PRDM2: variants seen among roughly 807,000 people sequenced by gnomAD.
PRDM2 encodes the protein PR/SET domain 2.
A neutral mutation model predicts 130.0 loss-of-function variants in PRDM2; 30 were observed. That is an observed-to-expected ratio of 0.23 (90% CI 0.17 to 0.31). The LOEUF is 0.31. Ranked by LOEUF, PRDM2 falls within the 10% of genes least tolerant of loss-of-function variation. The pLI is 1.00. For synonymous variants in PRDM2, 871 were observed against 782.4 expected (o/e 1.11, Z -1.89); for missense variants, 2,011 against 2,108.4 (o/e 0.95, Z 0.90).
chr1:13,780,851 C>T lies in PRDM2; in HGVS notation c.3056C>T (p.Pro1019Leu), dbSNP rs772774806. The change falls in exon 8 of 10, where the codon CCA becomes CTA. Residue 1019 changes from proline (P) to leucine (L), a missense_variant. Coordinates refer to ENST00000311066, the MANE Select transcript of PRDM2 (RefSeq NM_001393986.1). Reference sequence around the variant, plus strand: ...CTCTCAAATGCCACCGCACAGTCCCCACTTCCAATTCTGTCCCCAACAGTG... The same window carrying T: ...CTCTCAAATGCCACCGCACAGTCCCTACTTCCAATTCTGTCCCCAACAGTG... Reference protein sequence around the residue: ...SPLSNATAQSPLPILSPTVSP... With the variant: ...SPLSNATAQSLLPILSPTVSP... 3 of 1,609,814 alleles carry T rather than the reference C, an allele frequency of 1.9e-6. No individual in the cohort carries two copies. In the South Asian group the frequency reaches 3.3e-5, roughly 18 times the overall value.
At chr1:13,734,265 G>A (rs1643200076) in intron 4 of PRDM2, among the ~76,000 whole-genome samples, 1 of 152,180 alleles carries the variant, frequency 6.6e-6, no homozygotes, top group African/African-American at 2.4e-5. Flanking sequence ...GATTAAAAAT[G>A]TCTTGACCAC....
chr1:13,820,737 A>G (rs1369194716), intron 9 of PRDM2, among the ~76,000 whole-genome samples: 1 of 150,936 alleles, frequency 6.6e-6, no homozygotes, highest in Admixed American at 6.6e-5. Flanking sequence ...CCTCAGGTCC[A>G]GCCCCCAGCT....
At chr1:13,773,765 T>C (rs1244029844) in intron 7 of PRDM2, 1 of 152,080 alleles carries the variant, frequency 6.6e-6, no homozygotes, top group Non-Finnish European at 1.5e-5. Context: ...CATTTAAAAA[T>C]AGCATGAAGT....
rs1448461668 is a variant in PRDM2, at chr1:13,816,528, G to A, written c.5138G>A (p.Gly1713Glu). Reference protein sequence around the residue: ...VKAPAAAQFQGPFFKE With the variant: ...VKAPAAAQFQEPFFKE ...GCTCCAGCTGCAGCCCAGTTCCAGG[G>A]ACCATTCTTCAAAGAGTAGACACTC... The change falls in exon 9 of 10, where the codon GGA becomes GAA. Residue 1713 changes from glycine (G) to glutamate (E), a missense_variant. This residue lies in a region of PRDM2 where 410 missense variants were observed against 395.9 expected (regional missense o/e 1.04). Transcript: ENST00000311066. 6.2e-7 allele frequency: 1 copy of A among 1,614,050 alleles called. No homozygotes were observed. Among genetic ancestry groups the A allele is most frequent in the East Asian group, 2.2e-5 (1 of 44,898 alleles).
intron 8 of PRDM2, 96 bp from the exon 9 acceptor site, chr1:13,816,331 G>C (rs1645256375): frequency 6.8e-7 from 1 of 1,475,492 alleles, no homozygotes; most frequent in Non-Finnish European, 9.2e-7. Context: ...CCTGGCCTGG[G>C]AAGTGGTGAC....
chr1:13,707,486 G>C (rs1369035656), intron 1 of PRDM2, among the ~76,000 whole-genome samples: 2 of 152,220 alleles, frequency 1.3e-5, no homozygotes, highest in Non-Finnish European at 2.9e-5. Flanking sequence ...CTTGGCATTT[G>C]AGCCTTAGTC....
chr1:13,796,836 A>G (rs1644930236), intron 8 of PRDM2, among the ~76,000 whole-genome samples: 1 of 152,208 alleles, frequency 6.6e-6, no homozygotes, highest in Non-Finnish European at 1.5e-5. Flanking sequence ...AGTGACCTAG[A>G]TAGGAGAGTA....
intron 8 of PRDM2, among the ~76,000 whole-genome samples, chr1:13,789,611 A>G (rs1644805942): frequency 6.6e-6 from 1 of 152,254 alleles, no homozygotes; most frequent in South Asian, 2.1e-4. Context: ...TACTTAGCTT[A>G]AAATGACTCT....
At chr1:13,799,275 C>T (rs1211905115) in intron 8 of PRDM2, among the ~76,000 whole-genome samples, 1 of 152,116 alleles carries the variant, frequency 6.6e-6, no homozygotes, top group East Asian at 1.9e-4. Flanking sequence ...GAAACTCCTT[C>T]TCTACTAAAA....
At position 13,782,572 on chromosome 1, in the gene PRDM2, A is replaced by G; in HGVS notation, c.4777A>G (p.Lys1593Glu). 1 of 1,614,210 alleles carries G rather than the reference A, an allele frequency of 6.2e-7. No homozygotes were observed. Among genetic ancestry groups the G allele is most frequent in the Non-Finnish European group, 8.5e-7 (1 of 1,180,038 alleles). ...KITHVEGKKP[K>E]AVAKNHSAQL... ...AACTCATGTTGAGGGGAAAAAACCT[A>G]AAGCTGTGGCCAAGAATCATTCTGC... is the stretch of plus-strand genomic sequence containing the variant. The change falls in exon 8 of 10, where the codon AAA (lysine) becomes GAA (glutamate). Residue 1593 changes from lysine to glutamate, a missense_variant. Physicochemically the swap from Lys to Glu is moderately conservative, Grantham distance 56. Coordinates refer to ENST00000311066, the MANE Select transcript of PRDM2 (RefSeq NM_001393986.1).
intron 9 of PRDM2, among the ~76,000 whole-genome samples, chr1:13,821,747 GT>G (rs1645355452): frequency 6.6e-6 from 1 of 152,100 alleles, no homozygotes; most frequent in Non-Finnish European, 1.5e-5. Flanking sequence ...GATTACAGGC[GT>G]GAGCCACCGC....
chr1:13,804,404 C>T (rs1570097125), intron 8 of PRDM2, among the ~76,000 whole-genome samples: 1 of 152,184 alleles, frequency 6.6e-6, no homozygotes, highest in Non-Finnish European at 1.5e-5. Flanking sequence ...CTCCAGGCTT[C>T]AGAACGGGCC....
At chr1:13,752,009 T>C (rs1643861553) in intron 6 of PRDM2, among the ~76,000 whole-genome samples, 4 of 152,006 alleles carry the variant, frequency 2.6e-5, no homozygotes, top group Admixed American at 2.0e-4. Context: ...TAATGTTTAT[T>C]GAGCCCCTGC....
At chr1:13,723,047 C>CT (rs1410428636) in intron 2 of PRDM2, among the ~76,000 whole-genome samples, 1 of 152,188 alleles carries the variant, frequency 6.6e-6, no homozygotes, top group Non-Finnish European at 1.5e-5. Context: ...GTGGCTGCCT[C>CT]TGCTTTCTTC....
At chr1:13,749,535 C>T in intron 6 of PRDM2, 48 bp downstream of exon 6, 1 of 1,194,968 alleles carries the variant, frequency 8.4e-7, no homozygotes, top group South Asian at 1.7e-5. Context: ...CACGCCCGCC[C>T]AGGACGCCGC....
intron 1 of PRDM2, among the ~76,000 whole-genome samples, chr1:13,706,677 A>T (rs1642220100): frequency 6.6e-6 from 1 of 151,542 alleles, no homozygotes; most frequent in Non-Finnish European, 1.5e-5. Flanking sequence ...GCAGACAAAC[A>T]TCAAAAGACA....
At chr1:13,783,742 T>G (rs994945819) in intron 8 of PRDM2, among the ~76,000 whole-genome samples, 1 of 152,244 alleles carries the variant, frequency 6.6e-6, no homozygotes, top group Non-Finnish European at 1.5e-5. Flanking sequence ...TCCTGCTGTT[T>G]CTGAATAGTT....
chr1:13,732,746 A>T (rs765135765), intron 3 of PRDM2, 33 bp from the exon 4 acceptor site: 1 of 1,423,240 alleles, frequency 7.0e-7, no homozygotes, highest in South Asian at 1.2e-5. Flanking sequence ...AATAACCATG[A>T]TACATTATAA....
intron 1 of PRDM2, among the ~76,000 whole-genome samples, chr1:13,709,878 C>T (rs908558670): frequency 1.3e-4 from 19 of 151,948 alleles, no homozygotes; most frequent in African/African-American, 4.4e-4. Flanking sequence ...TATAAGTGAC[C>T]TCTATGTGTC....
Sources: gnomAD v4.1 joint callset for allele counts (sites outside exome capture counted in the v4.1 genomes callset) on GRCh38, gnomAD v4.1.1 for gene constraint, gnomAD v4.1.1 regional missense constraint, MANE v1.5 for transcripts, NCBI Gene and HGNC (gene_info 2026-07-23, HGNC 2026-07-21) for gene names.